Variants in GALNT13 observed in about 807,000 individuals in gnomAD.
The protein encoded by GALNT13 is polypeptide N-acetylgalactosaminyltransferase 13.
A neutral mutation model predicts 64.2 loss-of-function variants in GALNT13; 28 were observed. The observed-to-expected ratio is 0.44, with a 90% CI of 0.32 to 0.60. GALNT13 has a LOEUF of 0.60. Ranked by LOEUF, GALNT13 falls within the 20% of genes least tolerant of loss-of-function variation. The probability of loss-of-function intolerance (pLI) is 0.05; values close to 1 mark genes in which losing one functional copy is unlikely to be tolerated. For missense variants in GALNT13, 577 were observed against 669.8 expected (o/e 0.86, Z 1.53); for synonymous variants, 214 against 224.6 (o/e 0.95, Z 0.42).
At chr2:154,082,587 ATTG>A (rs1701327097) in intron 3 of GALNT13, among the ~76,000 whole-genome samples, 2 of 151,516 alleles carry the variant, frequency 1.3e-5, no homozygotes, top group Admixed American at 1.3e-4. Context: ...AATACGTACT[ATTG>A]TTGTTGAGCT....
At chr2:153,399,271 C>G in the GALNT13 span, among the ~76,000 whole-genome samples, 1 of 151,822 alleles carries the variant, frequency 6.6e-6, no homozygotes, top group South Asian at 2.1e-4. Context: ...CTGTTCTGTT[C>G]CATTGATCTA....
intron 3 of GALNT13, among the ~76,000 whole-genome samples, chr2:154,059,005 G>A (rs765415067): frequency 6.6e-6 from 1 of 152,214 alleles, no homozygotes; most frequent in Non-Finnish European, 1.5e-5. Flanking sequence ...GGGTGGAACA[G>A]TAGAGGTGAT....
chr2:153,173,077 ATATATCTATATC>A, the GALNT13 span: 6 of 150,894 alleles, frequency 4.0e-5, no homozygotes, highest in Middle Eastern at 3.5e-3. Flanking sequence ...ATCTTGTAAT[ATATATCTATATC>A]TATATCTATG....
At chr2:153,506,714 A>C in the GALNT13 span, among the ~76,000 whole-genome samples, 1 of 152,000 alleles carries the variant, frequency 6.6e-6, no homozygotes, top group Admixed American at 6.6e-5. Context: ...ATCTGCTGTT[A>C]CTCTTATAGG....
intron 3 of GALNT13, among the ~76,000 whole-genome samples, chr2:154,087,815 A>G (rs960330798): frequency 4.6e-5 from 7 of 151,190 alleles, no homozygotes; most frequent in East Asian, 1.9e-4. Context: ...TTCTTGGAAT[A>G]TAAGTGGGAA....
the GALNT13 span, among the ~76,000 whole-genome samples, chr2:153,251,544 T>C: frequency 6.6e-6 from 1 of 152,188 alleles, no homozygotes; most frequent in Non-Finnish European, 1.5e-5. Context: ...TATGTATACA[T>C]GTGCCATGCT....
chr2:153,385,885 C>T, the GALNT13 span, among the ~76,000 whole-genome samples: 14 of 122,046 alleles, frequency 1.1e-4, no homozygotes, highest in African/African-American at 4.3e-4. Context: ...AAAATATCCT[C>T]TTGATGTGAG....
At chr2:154,393,204 C>T (rs1354230964) in intron 9 of GALNT13, among the ~76,000 whole-genome samples, 2 of 152,136 alleles carry the variant, frequency 1.3e-5, no homozygotes, top group Non-Finnish European at 2.9e-5. Flanking sequence ...GATTACATAT[C>T]AAACCATGGA....
At chr2:154,272,996 G>A (rs778211697) in intron 8 of GALNT13, among the ~76,000 whole-genome samples, 8 of 152,110 alleles carry the variant, frequency 5.3e-5, no homozygotes, top group Non-Finnish European at 1.0e-4. Context: ...ATAAGTTTAA[G>A]TCAGGAAATT....
chr2:154,420,652 C>T (rs1431613297), intron 11 of GALNT13, among the ~76,000 whole-genome samples: 1 of 152,014 alleles, frequency 6.6e-6, no homozygotes, highest in Non-Finnish European at 1.5e-5. Context: ...CTCTTCTATT[C>T]CCCATCACCC....
At chr2:153,679,717 C>G in the GALNT13 span, among the ~76,000 whole-genome samples, 2 of 151,848 alleles carry the variant, frequency 1.3e-5, no homozygotes, top group African/African-American at 2.4e-5. Context: ...CTATATCACG[C>G]TTTTACCAGT....
At chr2:154,138,703 T>C (rs950111680) in intron 3 of GALNT13, among the ~76,000 whole-genome samples, 2 of 151,978 alleles carry the variant, frequency 1.3e-5, no homozygotes, top group African/African-American at 4.8e-5. Flanking sequence ...TAATACTTTA[T>C]GTAGACTAAA....
chr2:153,470,106 C>T, the GALNT13 span, among the ~76,000 whole-genome samples: 1 of 152,138 alleles, frequency 6.6e-6, no homozygotes, highest in Admixed American at 6.5e-5. Flanking sequence ...CATAGATCCC[C>T]TTAACCAGCT....
At chr2:153,521,179 G>A in the GALNT13 span, among the ~76,000 whole-genome samples, 1 of 152,058 alleles carries the variant, frequency 6.6e-6, no homozygotes, top group African/African-American at 2.4e-5. Context: ...TTCTTCTGAA[G>A]AGCTCCAAAC....
intron 4 of GALNT13, among the ~76,000 whole-genome samples, chr2:154,189,680 A>C (rs1484987252): frequency 6.7e-6 from 1 of 149,138 alleles, no homozygotes; most frequent in Non-Finnish European, 1.5e-5. Context: ...TTTACATAGA[A>C]AAAAAAAAAG....
At chr2:153,728,964 A>G in the GALNT13 span, among the ~76,000 whole-genome samples, 1 of 152,208 alleles carries the variant, frequency 6.6e-6, no homozygotes, top group African/African-American at 2.4e-5. Context: ...TGAATAGACC[A>G]ATAACAAGTT....
At chr2:153,556,744 T>G in the GALNT13 span, among the ~76,000 whole-genome samples, 6 of 152,214 alleles carry the variant, frequency 3.9e-5, no homozygotes, top group Non-Finnish European at 5.9e-5. Flanking sequence ...ATTCAAAACA[T>G]TTGTCTGGTC....
the GALNT13 span, among the ~76,000 whole-genome samples, chr2:153,750,613 G>A: frequency 4.6e-5 from 7 of 151,600 alleles, no homozygotes; most frequent in South Asian, 2.1e-4. Flanking sequence ...GTGGACTTAC[G>A]TTGCTCATAG....
chr2:153,166,568 C>A, the GALNT13 span, among the ~76,000 whole-genome samples: 1 of 150,392 alleles, frequency 6.6e-6, no homozygotes, highest in Admixed American at 6.6e-5. Flanking sequence ...ATCCATGCTG[C>A]TTCCCATTCT....
Sources: allele counts gnomAD v4.1 joint callset (sites outside exome capture counted in the v4.1 genomes callset), GRCh38; gene constraint gnomAD v4.1.1; transcripts MANE v1.5; gene names NCBI Gene and HGNC (gene_info 2026-07-23, HGNC 2026-07-21).